Variants in PMEPA1 observed in about 807,000 individuals in gnomAD.
The protein encoded by PMEPA1 is prostate transmembrane protein, androgen induced 1, also known as protein TMEPAI.
In PMEPA1, 11 loss-of-function variants were observed where a neutral mutation model predicts 23.0. The ratio of observed to expected loss-of-function variants is 0.48; its 90% CI spans 0.30 to 0.79. The LOEUF is 0.79. Ranked by LOEUF, PMEPA1 falls within the 30% of genes least tolerant of loss-of-function variation. The pLI is 0.06. For synonymous variants in PMEPA1, 204 were observed against 166.4 expected (o/e 1.23, Z -1.74); for missense variants, 377 against 390.9 (o/e 0.96, Z 0.30).
chr20:57,674,205 G>T (rs1488114935), intron 1 of PMEPA1, among the ~76,000 whole-genome samples: 1 of 152,150 alleles, frequency 6.6e-6, no homozygotes, highest in Non-Finnish European at 1.5e-5. Context: ...TAAAGGTGGG[G>T]GCCTGATCCA....
At chr20:57,662,145 G>A (rs531167130) in intron 1 of PMEPA1, among the ~76,000 whole-genome samples, 1 of 152,270 alleles carries the variant, frequency 6.6e-6, no homozygotes, top group Admixed American at 6.5e-5. Context: ...GGAACATGTG[G>A]CGATGTCTGG....
intron 2 of PMEPA1, among the ~76,000 whole-genome samples, chr20:57,658,143 C>T (rs919838563): frequency 2.0e-5 from 3 of 152,226 alleles, no homozygotes; most frequent in African/African-American, 7.2e-5. Context: ...AAGTTCCCAC[C>T]GACCCAGATC....
chr20:57,709,438 T>A (rs111826237), intron 1 of PMEPA1, 36 bp downstream of exon 1: 1 of 1,082,210 alleles, frequency 9.2e-7, no homozygotes, highest in Non-Finnish European at 1.1e-6. Context: ...CCGAGCCCGA[T>A]GGAGTCTCCG....
intron 1 of PMEPA1, among the ~76,000 whole-genome samples, chr20:57,677,328 T>G (rs2071651091): frequency 6.6e-6 from 1 of 152,154 alleles, no homozygotes; most frequent in South Asian, 2.1e-4. Flanking sequence ...AAGCACCTGG[T>G]GTGTAGGAAG....
chr20:57,704,396 G>A lies in PMEPA1; in HGVS notation c.109+5078C>T, dbSNP rs116415155. Reference sequence around the variant, plus strand: ...CAGAGGGTGCATGAAGAGTAGGTCCGTCTCCCGCACAGCTCCCGCACGTGC... The same window carrying A: ...CAGAGGGTGCATGAAGAGTAGGTCCATCTCCCGCACAGCTCCCGCACGTGC... On this transcript the variant is annotated intron_variant, in intron 1 of 3. Transcript: ENST00000341744. The surrounding 1 kb of genome is among the most constrained non-coding windows in gnomAD (Gnocchi z 4.6). Among the ~76,000 whole-genome samples, 33 of 152,122 alleles carry A rather than the reference G, an allele frequency of 2.2e-4. No individual in the cohort carries two copies. The highest frequency in any genetic ancestry group is 7.2e-4 in the African/African-American group (30 of 41,424).
upstream of PMEPA1, chr20:57,710,298 C>T (rs978447292): frequency 2.7e-6 from 2 of 746,524 alleles, no homozygotes; most frequent in African/African-American, 1.9e-5. Context: ...CGGTGCCAGC[C>T]GCACCCGGGC....
chr20:57,706,567 CCT>C (rs1278580505), intron 1 of PMEPA1, among the ~76,000 whole-genome samples: 1 of 152,150 alleles, frequency 6.6e-6, no homozygotes, highest in East Asian at 1.9e-4. Context: ...CCAGGAGTGT[CCT>C]GTTACAGTCA....
At position 57,704,756 on chromosome 20, in the gene PMEPA1, G is replaced by A. The variant is rs954993648; in HGVS notation, c.109+4718C>T. Among the ~76,000 whole-genome samples the A allele has an allele frequency of 6.6e-6, 1 of 152,194 alleles. No individual in the cohort carries two copies. The highest frequency in any genetic ancestry group is 2.4e-5 in the African/African-American group (1 of 41,460). On this transcript the variant is annotated intron_variant, in intron 1 of 3. Coordinates refer to ENST00000341744, the MANE Select transcript of PMEPA1 (RefSeq NM_020182.5). The surrounding 1 kb of genome is among the most constrained non-coding windows in gnomAD (Gnocchi z 4.6). ...TTTAAACCCCCTGGCCCTGGGCCAC[G>A]ATGGGAGTGGAGATGGTGGGGGCAG...
At position 57,656,328 on chromosome 20, in the gene PMEPA1, C is replaced by A. The variant is rs997737568; in HGVS notation, c.264+3215G>T. The stretch of plus-strand genomic sequence containing the variant: ...CACATTGGCCTGGCCACAGTCTTGT[C>A]CCTGCCCCTGGGAAATGGGCCCTTG... On this transcript the variant is annotated intron_variant, in intron 2 of 3. Coordinates refer to ENST00000341744, the MANE Select transcript of PMEPA1 (RefSeq NM_020182.5). The surrounding 1 kb of genome is among the most constrained non-coding windows in gnomAD (Gnocchi z 4.7). 1.2e-4 allele frequency among the ~76,000 whole-genome samples: 18 copies of A among 151,592 alleles called. No individual in the cohort carries two copies. The highest frequency in any genetic ancestry group is 3.6e-4 in the African/African-American group (15 of 41,324).
rs1225500393 is a variant in PMEPA1, at chr20:57,656,462, C to T, written c.264+3081G>A. ...GGCCTGAGTTCCTAGTCTGAGCAGG[C>T]CTTGGGCACAAAGACTGGGATTGCC... On this transcript the variant is annotated intron_variant, in intron 2 of 3. Coordinates refer to ENST00000341744, the MANE Select transcript of PMEPA1 (RefSeq NM_020182.5). This position sits in a 1 kb window ranked among gnomAD's most constrained non-coding sequence, Gnocchi z 4.7. Among the ~76,000 whole-genome samples, 1 of 152,014 alleles carries T rather than the reference C, an allele frequency of 6.6e-6. No homozygotes were observed. Among genetic ancestry groups the T allele is most frequent in the African/African-American group, 2.4e-5 (1 of 41,436 alleles).
intron 1 of PMEPA1, among the ~76,000 whole-genome samples, chr20:57,676,435 A>G (rs954870634): frequency 6.6e-6 from 1 of 152,236 alleles, no homozygotes; most frequent in Non-Finnish European, 1.5e-5. Context: ...ATGCATGCTG[A>G]CCGGGCAAGC....
At chr20:57,659,218 T>C (rs1057176059) in intron 2 of PMEPA1, among the ~76,000 whole-genome samples, 3 of 152,212 alleles carry the variant, frequency 2.0e-5, no homozygotes, top group African/African-American at 7.2e-5. Context: ...CAAGGACCTG[T>C]GTGCTGCCCT....
At chr20:57,692,194 T>C (rs965096756) in intron 1 of PMEPA1, among the ~76,000 whole-genome samples, 33 of 152,226 alleles carry the variant, frequency 2.2e-4, no homozygotes, top group African/African-American at 7.7e-4. Flanking sequence ...GCCCCCTGTG[T>C]AGTGGGTGCC....
At chr20:57,709,085 C>T (rs1369959757) in intron 1 of PMEPA1, among the ~76,000 whole-genome samples, 1 of 152,124 alleles carries the variant, frequency 6.6e-6, no homozygotes, top group African/African-American at 2.4e-5. Flanking sequence ...TCTCACACGC[C>T]CCTCCACCCC....
intron 1 of PMEPA1, among the ~76,000 whole-genome samples, chr20:57,669,660 T>G (rs188991191): frequency 4.3e-4 from 66 of 152,284 alleles, no homozygotes; most frequent in African/African-American, 1.4e-3. Flanking sequence ...CAAATATGTT[T>G]TTAAAAATAC....
intron 1 of PMEPA1, among the ~76,000 whole-genome samples, chr20:57,699,101 C>T (rs2071978487): frequency 6.6e-6 from 1 of 152,234 alleles, no homozygotes; most frequent in Non-Finnish European, 1.5e-5. Context: ...CTCTGGAATG[C>T]ATCACCCCAC....
chr20:57,672,566 A>G (rs2071583471), intron 1 of PMEPA1, among the ~76,000 whole-genome samples: 1 of 152,184 alleles, frequency 6.6e-6, no homozygotes, highest in African/African-American at 2.4e-5. Context: ...GGCGACGGGC[A>G]CCGTCTGGAG....
intron 1 of PMEPA1, among the ~76,000 whole-genome samples, chr20:57,707,785 G>A (rs914812697): frequency 2.0e-5 from 3 of 151,922 alleles, no homozygotes; most frequent in Non-Finnish European, 4.4e-5. Context: ...TTTACAGAGC[G>A]AAAGGCAAAA....
At chr20:57,672,207 G>A (rs1395118087) in intron 1 of PMEPA1, among the ~76,000 whole-genome samples, 1 of 152,272 alleles carries the variant, frequency 6.6e-6, no homozygotes, top group Non-Finnish European at 1.5e-5. Flanking sequence ...ACGCGCACGT[G>A]TGTGCCTGCA....
Sources: gnomAD v4.1 joint callset for allele counts (sites outside exome capture counted in the v4.1 genomes callset) on GRCh38, gnomAD v4.1.1 for gene constraint, Gnocchi (gnomAD v3.1) non-coding constraint, MANE v1.5 for transcripts, NCBI Gene and HGNC (gene_info 2026-07-23, HGNC 2026-07-21) for gene names.